Variants in RBFOX1 observed in about 807,000 individuals in gnomAD.
RBFOX1 encodes RNA binding fox-1 homolog 1, also known as RNA binding protein fox-1 homolog 1.
A neutral mutation model predicts 57.7 loss-of-function variants in RBFOX1; 8 were observed. The ratio of observed to expected loss-of-function variants is 0.14; its 90% CI spans 0.08 to 0.25. The LOEUF (loss-of-function observed/expected upper bound fraction) is 0.25. Ranked by LOEUF, RBFOX1 falls within the 10% of genes least tolerant of loss-of-function variation. The probability of loss-of-function intolerance (pLI) is 1.00; values close to 1 mark genes in which losing one functional copy is unlikely to be tolerated. For missense variants in RBFOX1, 611 were observed against 548.5 expected (o/e 1.11, Z -1.14); for synonymous variants, 326 against 222.4 (o/e 1.47, Z -4.15).
At chr16:5,344,775 C>G (rs1256865616) in intron 1 of RBFOX1, among the ~76,000 whole-genome samples, 2 of 152,072 alleles carry the variant, frequency 1.3e-5, no homozygotes, top group African/African-American at 4.8e-5. Context: ...ACAAAATTAT[C>G]CAACGTTATT....
intron 2 of RBFOX1, among the ~76,000 whole-genome samples, chr16:6,492,942 T>C (rs2095666888): frequency 6.6e-6 from 1 of 152,226 alleles, no homozygotes; most frequent in Non-Finnish European, 1.5e-5. Context: ...ACAGTGATTA[T>C]CTTTGTTGTA....
intron 4 of RBFOX1, among the ~76,000 whole-genome samples, chr16:7,161,555 G>A (rs1206568870): frequency 6.6e-6 from 1 of 152,138 alleles, no homozygotes; most frequent in Admixed American, 6.5e-5. Context: ...ACATGTCAGT[G>A]AAGTCCTTTG....
At chr16:5,949,830 C>T (rs556160791) in intron 4 of RBFOX1, among the ~76,000 whole-genome samples, 10 of 152,128 alleles carry the variant, frequency 6.6e-5, no homozygotes, top group Admixed American at 1.3e-4. Flanking sequence ...AAGTGGGGCC[C>T]AGAAATCCAT....
chr16:5,543,402 T>G (rs1290617326), intron 2 of RBFOX1, among the ~76,000 whole-genome samples: 1 of 152,064 alleles, frequency 6.6e-6, no homozygotes, highest in East Asian at 1.9e-4. Context: ...ATTCATGGGG[T>G]GAAATCAACG....
chr16:7,500,766 A>G (rs915659441), intron 4 of RBFOX1, among the ~76,000 whole-genome samples: 2 of 152,132 alleles, frequency 1.3e-5, no homozygotes, highest in East Asian at 1.9e-4. Flanking sequence ...AACCTTTACA[A>G]CCTATCCCAT....
intron 2 of RBFOX1, among the ~76,000 whole-genome samples, chr16:6,354,362 C>G (rs1599999718): frequency 6.6e-6 from 1 of 152,286 alleles, no homozygotes; most frequent in East Asian, 1.9e-4. Flanking sequence ...TGCTCTCCAC[C>G]CTATCTTCGT....
intron 3 of RBFOX1, among the ~76,000 whole-genome samples, chr16:6,751,277 G>T (rs1048886384): frequency 6.6e-6 from 1 of 152,158 alleles, no homozygotes; most frequent in Non-Finnish European, 1.5e-5. Context: ...TGGGGAGTAG[G>T]TGGCTAAGGA....
At chr16:7,248,039 A>C (rs1216609885) in intron 4 of RBFOX1, among the ~76,000 whole-genome samples, 1 of 152,196 alleles carries the variant, frequency 6.6e-6, no homozygotes, top group Non-Finnish European at 1.5e-5. Flanking sequence ...CTGAACCTAA[A>C]ATAAAAGTTA....
rs114794842 is a variant in RBFOX1, at chr16:7,017,933, C to A, written c.-15-34124C>A. Among the ~76,000 whole-genome samples, 435 of 152,306 alleles carry A rather than the reference C, an allele frequency of 2.9e-3. 5 individuals are homozygous for A. Among genetic ancestry groups the A allele is most frequent in the African/African-American group, 9.9e-3 (410 of 41,566 alleles). On this transcript the variant is annotated intron_variant, in intron 3 of 15. Transcript: ENST00000550418. The stretch of plus-strand genomic sequence containing the variant: ...TTTACCAAAATGCTATATTTGCAAA[C>A]TGTCGGCGACGTGTGAATTAGGTGT...
intron 4 of RBFOX1, among the ~76,000 whole-genome samples, chr16:7,354,396 A>T (rs556525503): frequency 6.6e-6 from 1 of 152,334 alleles, no homozygotes; most frequent in East Asian, 1.9e-4. Flanking sequence ...TGTTTGCTGT[A>T]TTCAAGGCCT....
intron 14 of RBFOX1, chr16:7,693,485 A>G: frequency 1.3e-6 from 1 of 773,250 alleles, no homozygotes; most frequent in East Asian, 2.6e-5. Flanking sequence ...TTAAGAAAAA[A>G]AAAAAAGATC....
At chr16:5,318,683 C>A (rs1045515917) in intron 1 of RBFOX1, among the ~76,000 whole-genome samples, 2 of 152,228 alleles carry the variant, frequency 1.3e-5, no homozygotes, top group African/African-American at 2.4e-5. Flanking sequence ...CCTCAAGATT[C>A]TCAGCCCTGA....
chr16:7,130,306 A>T (rs1217421788), intron 4 of RBFOX1, among the ~76,000 whole-genome samples: 1 of 152,192 alleles, frequency 6.6e-6, no homozygotes, highest in East Asian at 1.9e-4. Context: ...AAGTGCTGAG[A>T]TTGTAGGCAT....
At chr16:7,036,271 G>C (rs4786960) in intron 3 of RBFOX1, among the ~76,000 whole-genome samples, 88,034 of 151,274 alleles carry the variant, frequency 0.58, 26,378 homozygotes, top group South Asian at 0.77. Flanking sequence ...TCTCTACAAT[G>C]TGTAGATGTG....
At chr16:6,658,946 T>G (rs1381357874) in intron 3 of RBFOX1, among the ~76,000 whole-genome samples, 3 of 110,242 alleles carry the variant, frequency 2.7e-5, no homozygotes, top group Admixed American at 1.9e-4. Flanking sequence ...GTTTTTTTTG[T>G]TTTTTTTTTT....
intron 1 of RBFOX1, among the ~76,000 whole-genome samples, chr16:6,047,247 C>G (rs972082545): frequency 1.3e-5 from 2 of 152,196 alleles, no homozygotes; most frequent in Non-Finnish European, 2.9e-5. Flanking sequence ...CTCCTGCCAG[C>G]CCATGAGGTT....
intron 3 of RBFOX1, among the ~76,000 whole-genome samples, chr16:6,754,671 G>A (rs906139821): frequency 6.6e-6 from 1 of 152,106 alleles, no homozygotes; most frequent in East Asian, 1.9e-4. Flanking sequence ...GAGAAAGAGA[G>A]AATTAGAGAG....
intron 3 of RBFOX1, among the ~76,000 whole-genome samples, chr16:6,954,187 C>T (rs546625004): frequency 1.3e-5 from 2 of 151,562 alleles, no homozygotes; most frequent in Non-Finnish European, 3.0e-5. Context: ...CAAAAAGTTA[C>T]TCACATATTT....
intron 2 of RBFOX1, among the ~76,000 whole-genome samples, chr16:6,382,066 T>A (rs1008794797): frequency 3.9e-5 from 6 of 152,238 alleles, no homozygotes; most frequent in African/African-American, 1.4e-4. Context: ...AAAGCTGCCT[T>A]GATGATATGT....
Sources: gnomAD v4.1 joint callset for allele counts (sites outside exome capture counted in the v4.1 genomes callset) on GRCh38, gnomAD v4.1.1 for gene constraint, MANE v1.5 for transcripts, NCBI Gene and HGNC (gene_info 2026-07-23, HGNC 2026-07-21) for gene names.